Variants in ISM2 observed in about 807,000 individuals in gnomAD.
ISM2 encodes isthmin 2.
ISM2 carries 50 observed loss-of-function variants against 58.0 expected under a neutral mutation model. That is an observed-to-expected ratio of 0.86 (90% CI 0.69 to 1.09). The LOEUF (loss-of-function observed/expected upper bound fraction) is 1.09, where lower values mean the gene tolerates loss of function less well. ISM2 is among the 50% of genes least tolerant of loss of function. The pLI is 0.00. For missense variants in ISM2, 723 were observed against 745.0 expected (o/e 0.97, Z 0.34); for synonymous variants, 303 against 312.4 (o/e 0.97, Z 0.32).
At chr14:77,482,195 A>G in intron 4 of ISM2, 127 bp downstream of exon 4, 1 of 632,250 alleles carries the variant, frequency 1.6e-6, no homozygotes, top group South Asian at 2.1e-5. Flanking sequence ...ATGGTGTTTG[A>G]ACAAGGCCTA....
chr14:77,478,786 G>A (rs1235677810), intron 4 of ISM2, 71 bp from the exon 5 acceptor site: 121 of 1,510,660 alleles, frequency 8.0e-5, no homozygotes, highest in Non-Finnish European at 1.1e-4. Context: ...ATCAGCACAG[G>A]GCACCCTTTC....
chr14:77,475,907 G>A lies in ISM2; in HGVS notation c.1404C>T (p.Tyr468=), dbSNP rs760070443. 5.6e-6 allele frequency: 9 copies of A among 1,602,140 alleles called. No homozygotes were observed. In the South Asian group the frequency reaches 9.9e-5, roughly 18 times the overall value. ...ASGPRERLDI[Y]QPTARFCLRS... ...GCAGGCAGAAGCGCGCCGTGGGCTG[G>A]TAGATGTCCAGGCGCTCGCGAGGGC... The change falls in exon 7 of 7, where the codon TAC becomes TAT. Residue 468 remains tyrosine, a synonymous_variant. Coordinates refer to ENST00000342219, the MANE Select transcript of ISM2 (RefSeq NM_199296.3). The surrounding 1 kb of genome is among the most constrained non-coding windows in gnomAD (Gnocchi z 4.1).
chr14:77,478,305 A>C lies in ISM2; in HGVS notation c.1135T>G (p.Leu379Val), dbSNP rs2079110472. 1 of 1,614,004 alleles carries C rather than the reference A, an allele frequency of 6.2e-7. No homozygotes were observed. The highest frequency in any genetic ancestry group is 1.3e-5 in the African/African-American group (1 of 74,920). ...SCPGTEDKDT[L>V]GLPSEEWKLL... ...TTCCACTCCTCACTGGGGAGGCCCA[A>C]GGTGTCCTTGTCCTCAGTGCCTTTG... The change falls in exon 6 of 7, where the codon TTG (leucine) becomes GTG (valine). Residue 379 changes from leucine to valine, a missense_variant. Transcript: ENST00000342219.
intron 1 of ISM2, among the ~76,000 whole-genome samples, chr14:77,485,155 A>G (rs1466304034): frequency 6.6e-6 from 1 of 152,202 alleles, no homozygotes; most frequent in East Asian, 1.9e-4. Flanking sequence ...CTGTATCCAC[A>G]AAGTGCTTTC....
At chr14:77,496,754 GCCACCGCATT>G (rs542899991) in intron 1 of ISM2, among the ~76,000 whole-genome samples, 155 of 125,850 alleles carry the variant, frequency 1.2e-3, no homozygotes, top group African/African-American at 4.5e-3. Flanking sequence ...CCAAGATTGT[GCCACCGCATT>G]CCAGCCTGGG....
At position 77,498,367 on chromosome 14, in the gene ISM2, A is replaced by AC. The variant is rs528894071; in HGVS notation, c.141+285dup. On this transcript the variant is annotated intron_variant, in intron 1 of 6. Transcript: ENST00000342219. ...CCGCTCAGGGCGAGGAAGCCCGGCC[A>AC]CCGTGGAGTGTCGGCCACCTCACTC... 7.3e-4 allele frequency: 997 copies of AC among 1,369,562 alleles called. 4 individuals carry two copies. In the African/African-American group the frequency reaches 0.013, roughly 18 times the overall value. 84.8% of individuals were successfully genotyped at this position (1,369,562 alleles called of 1,614,324 possible).
At chr14:77,494,936 T>C (rs2079229480) in intron 1 of ISM2, among the ~76,000 whole-genome samples, 1 of 152,080 alleles carries the variant, frequency 6.6e-6, no homozygotes, top group Non-Finnish European at 1.5e-5. Flanking sequence ...CAGGTTGGAG[T>C]GCAGTGGCGC....
Position 77,475,468 on chromosome 14 carries a change from G to A in ISM2, c.*127C>T, listed in dbSNP as rs867387891. ...TCGCTGGCAGAGGGCACACAGCCTC[G>A]GACCAACCTCACTGGGGGAGCCCTT... On this transcript the variant is annotated 3_prime_UTR_variant, in exon 7 of 7. Transcript: ENST00000342219. The surrounding 1 kb of genome is among the most constrained non-coding windows in gnomAD (Gnocchi z 4.1). 1.2e-5 allele frequency: 12 copies of A among 1,028,948 alleles called. No individual in the cohort carries two copies. Among genetic ancestry groups the A allele is most frequent in the Middle Eastern group, 6.5e-4 (2 of 3,076 alleles). 63.7% of individuals were successfully genotyped at this position (1,028,948 alleles called of 1,614,324 possible).
At chr14:77,488,632 G>A (rs767682571) in intron 1 of ISM2, among the ~76,000 whole-genome samples, 5 of 152,194 alleles carry the variant, frequency 3.3e-5, no homozygotes, top group African/African-American at 4.8e-5. Flanking sequence ...AAACACCAGC[G>A]CCTGTCTCAT....
At chr14:77,480,442 CAAAAT>C (rs1464805132) in intron 4 of ISM2, among the ~76,000 whole-genome samples, 3 of 151,998 alleles carry the variant, frequency 2.0e-5, no homozygotes, top group Non-Finnish European at 4.4e-5. Flanking sequence ...GTGAAACCCC[CAAAAT>C]ACTGAGAGCT....
chr14:77,497,769 G>GGAAGGAAGGAAGGAA (rs1566760596), intron 1 of ISM2, among the ~76,000 whole-genome samples: 1 of 86,192 alleles, frequency 1.2e-5, no homozygotes, highest in African/African-American at 6.2e-5. Flanking sequence ...GAGGGAGGGA[G>GGAAGGAAGGAAGGAA]GGAAGGAAGG....
rs781360633 is a variant in ISM2, at chr14:77,482,621, T to A, written c.674A>T (p.Asp225Val). The change falls in exon 4 of 7, where the codon GAC (aspartate) becomes GTC (valine). Residue 225 changes from aspartate (D) to valine (V), a missense_variant. Transcript: ENST00000342219. ...GGGATTGCTGGGCTCAGCCAACAGG[T>A]CTATCGACACCTCGGCCTGGGGGTC... ...VEDPQAEVSIDLLAEPSNPPP... is the reference protein window; with the variant it reads ...VEDPQAEVSIVLLAEPSNPPP... The A allele has an allele frequency of 1.6e-5, 25 of 1,594,738 alleles. No homozygotes were observed. The East Asian group carries it at 5.4e-4, about 34-fold the overall frequency.
intron 1 of ISM2, among the ~76,000 whole-genome samples, chr14:77,488,873 G>T (rs2079183771): frequency 6.6e-6 from 1 of 152,142 alleles, no homozygotes; most frequent in Non-Finnish European, 1.5e-5. Flanking sequence ...TGAGACTCCA[G>T]GTTGTTGAAG....
rs772672008 is a variant in ISM2, at chr14:77,482,339, T to G, written c.956A>C (p.Lys319Thr). Reference sequence around the variant, plus strand: ...GTGCTCACCGTAGCTGACAGAATCCTTGAAGACCCAATCCCCGGGGGCCAG... The same window carrying G: ...GTGCTCACCGTAGCTGACAGAATCCGTGAAGACCCAATCCCCGGGGGCCAG... ...GWLAPGDWVF[K>T]DSVSYDYEPQ... The change falls in exon 4 of 7, where the codon AAG (lysine) becomes ACG (threonine). Residue 319 changes from lysine to threonine, a missense_variant. Lys to Thr is a moderately conservative substitution (Grantham distance 78, BLOSUM62 -1). Coordinates refer to ENST00000342219, the MANE Select transcript of ISM2 (RefSeq NM_199296.3). 3.7e-6 allele frequency: 6 copies of G among 1,613,246 alleles called. 1 individual carries two copies. Among genetic ancestry groups the G allele is most frequent in the Middle Eastern group, 1.6e-4 (1 of 6,082 alleles).
chr14:77,475,549 C>T lies in ISM2; in HGVS notation c.*46G>A, dbSNP rs2079091145. 3 of 1,504,240 alleles carry T rather than the reference C, an allele frequency of 2.0e-6. No homozygotes were observed. Among genetic ancestry groups the T allele is most frequent in the East Asian group, 4.7e-5 (2 of 42,740 alleles). The allele number at this position is 1,504,240 out of a possible 1,614,324, so 93.2% of individuals were successfully genotyped here. ...GGAAAGTTCTCCCGTGCAACAGCAG[C>T]AGCCGCCTGCCCTCTCCCTGCAGTG... On this transcript the variant is annotated 3_prime_UTR_variant, in exon 7 of 7. Transcript: ENST00000342219. The surrounding 1 kb of genome is among the most constrained non-coding windows in gnomAD (Gnocchi z 4.1).
intron 4 of ISM2, among the ~76,000 whole-genome samples, chr14:77,481,916 A>G (rs1348555659): frequency 6.6e-6 from 1 of 151,432 alleles, no homozygotes; most frequent in Admixed American, 6.6e-5. Flanking sequence ...CCTCTGCAAC[A>G]TAGGGAGACC....
At chr14:77,487,384 CCT>C (rs2079174710) in intron 1 of ISM2, among the ~76,000 whole-genome samples, 1 of 152,186 alleles carries the variant, frequency 6.6e-6, no homozygotes, top group Non-Finnish European at 1.5e-5. Context: ...AGGAGAGAAG[CCT>C]CTGTGAGCTT....
chr14:77,484,099 G>T, intron 3 of ISM2: 1 of 527,364 alleles, frequency 1.9e-6, no homozygotes, highest in Middle Eastern at 5.0e-4. Flanking sequence ...GAGAACAAAG[G>T]CTCAAAGAGT....
At chr14:77,496,909 G>A (rs2079245944) in intron 1 of ISM2, among the ~76,000 whole-genome samples, 1 of 150,328 alleles carries the variant, frequency 6.7e-6, no homozygotes, top group African/African-American at 2.5e-5. Context: ...TAGCAAAACT[G>A]GTCTACAGAC....
Sources: allele counts gnomAD v4.1 joint callset (sites outside exome capture counted in the v4.1 genomes callset), GRCh38; gene constraint gnomAD v4.1.1; non-coding constraint Gnocchi (gnomAD v3.1); transcripts MANE v1.5; gene names NCBI Gene and HGNC (gene_info 2026-07-23, HGNC 2026-07-21).